The following CREB1 variants were observed in gnomAD, a reference collection of about 807,000 sequenced individuals.
The protein encoded by CREB1 is cAMP responsive element binding protein 1, also known as cyclic AMP-responsive element-binding protein 1.
CREB1 carries 2 observed loss-of-function variants against 42.0 expected under a neutral mutation model. The observed-to-expected ratio is 0.05, with a 90% CI of 0.02 to 0.15. The LOEUF is 0.15. CREB1 is among the 10% of genes least tolerant of loss of function. The pLI is 1.00. For missense variants in CREB1, 199 were observed against 388.9 expected, an observed-to-expected ratio of 0.51 and a Z score of 4.11; for synonymous variants, 123 against 139.9, an observed-to-expected ratio of 0.88 and a Z score of 0.85.
At chr2:207,558,615 A>G (rs1397523219) in intron 2 of CREB1, among the ~76,000 whole-genome samples, 1 of 148,116 alleles carries the variant, frequency 6.8e-6, no homozygotes, top group Non-Finnish European at 1.5e-5. Context: ...CCCCTGAAAT[A>G]TATATCTTTC....
At chr2:207,560,141 C>A (rs1227218345) in intron 2 of CREB1, 85 bp from the exon 3 acceptor site, 1 of 1,298,450 alleles carries the variant, frequency 7.7e-7, no homozygotes, top group East Asian at 2.5e-5. Flanking sequence ...CACGTTTTTG[C>A]TTCTAAAAAG....
chr2:207,575,556 A>C (rs1296545558), intron 6 of CREB1, 102 bp downstream of exon 6: 2 of 978,952 alleles, frequency 2.0e-6, no homozygotes, highest in Non-Finnish European at 3.0e-6. Flanking sequence ...CCACCATTCA[A>C]ATGTAGTTAA....
chr2:207,564,230 A>C (rs1326414121), intron 3 of CREB1, among the ~76,000 whole-genome samples: 1 of 152,186 alleles, frequency 6.6e-6, no homozygotes, highest in Non-Finnish European at 1.5e-5. Context: ...CAATGAGTAA[A>C]ACACTGTATC....
At position 207,599,008 on chromosome 2, in the gene CREB1, T is replaced by G. The variant is rs1237754528; in HGVS notation, c.*1950T>G. 1 of 185,386 alleles carries G rather than the reference T, an allele frequency of 5.4e-6. No individual in the cohort carries two copies. The highest frequency in any genetic ancestry group is 2.3e-5 in the African/African-American group (1 of 42,628). 11.5% of individuals were successfully genotyped at this position (185,386 alleles called of 1,614,324 possible). Reference sequence around the variant, plus strand: ...TAAGTGTTAATTGCTGGATCCATTTTAAAATAAGATTTTAATTAACATTTG... The same window carrying G: ...TAAGTGTTAATTGCTGGATCCATTTGAAAATAAGATTTTAATTAACATTTG... On this transcript the variant is annotated 3_prime_UTR_variant, in exon 8 of 8. Transcript: ENST00000353267.
At chr2:207,578,018 CTG>C (rs1462120916) in intron 7 of CREB1, 2 of 215,684 alleles carry the variant, frequency 9.3e-6, no homozygotes, top group East Asian at 1.2e-4. Context: ...TGTATATTAA[CTG>C]TGTGTTAAAT....
intron 5 of CREB1, chr2:207,571,798 G>T: frequency 2.2e-6 from 1 of 444,988 alleles, no homozygotes; most frequent in Admixed American, 2.4e-5. Context: ...ATTCTCACTT[G>T]AACTAGGAAG....
chr2:207,569,862 G>C (rs2082287414), intron 4 of CREB1, among the ~76,000 whole-genome samples: 1 of 151,770 alleles, frequency 6.6e-6, no homozygotes, highest in Non-Finnish European at 1.5e-5. Flanking sequence ...TGGCCAACAT[G>C]GTGAAACCCC....
chr2:207,537,409 G>T (rs949227091), intron 1 of CREB1, among the ~76,000 whole-genome samples: 5 of 152,146 alleles, frequency 3.3e-5, no homozygotes, highest in Admixed American at 6.5e-5. Flanking sequence ...AAGGCAGAAC[G>T]TTTTTTATCT....
chr2:207,577,551 T>G lies in CREB1; in HGVS notation c.735T>G (p.Thr245=). Residue 245 remains threonine (T), a synonymous_variant, in exon 7 of 8, where the codon ACT becomes ACG. Transcript: ENST00000353267. ...VQTYQIRTAP[T]STIAPGVVMA... ...CATACCAGATTCGCACAGCACCCACTAGCACTATTGCCCCTGGAGTTGTTA... is the reference window on the plus strand; with the variant it reads ...CATACCAGATTCGCACAGCACCCACGAGCACTATTGCCCCTGGAGTTGTTA... The G allele has an allele frequency of 6.2e-7, 1 of 1,614,084 alleles. No homozygotes were observed. Among genetic ancestry groups the G allele is most frequent in the Non-Finnish European group, 8.5e-7 (1 of 1,179,970 alleles).
In CREB1 at chr2:207,597,776, A is replaced by G. The variant is rs2086407659; in HGVS notation, c.*718A>G. The G allele has an allele frequency of 5.0e-6, 1 of 200,926 alleles. No homozygotes were observed. The highest frequency in any genetic ancestry group is 2.3e-5 in the African/African-American group (1 of 43,746). 12.4% of individuals were successfully genotyped at this position (200,926 alleles called of 1,614,324 possible). A position where few individuals can be genotyped will look rare whatever the true frequency, so the allele number is the denominator to read the frequency against. ...GTTCAACATTTTTGAATACATTAAAAGAAGTAACCAACTGAACGACAAAGC... is the reference window on the plus strand; with the variant it reads ...GTTCAACATTTTTGAATACATTAAAGGAAGTAACCAACTGAACGACAAAGC... On this transcript the variant is annotated 3_prime_UTR_variant, in exon 8 of 8. Transcript: ENST00000353267.
chr2:207,570,775 T>G (rs2082322418), intron 5 of CREB1, among the ~76,000 whole-genome samples: 2 of 152,214 alleles, frequency 1.3e-5, no homozygotes, highest in Admixed American at 1.3e-4. Flanking sequence ...GGGATAAGCA[T>G]GGCTTGGTTG....
intron 1 of CREB1, among the ~76,000 whole-genome samples, chr2:207,531,593 A>G (rs1286626450): frequency 1.3e-5 from 2 of 152,246 alleles, no homozygotes; most frequent in African/African-American, 2.4e-5. Context: ...AAGGTTTAGT[A>G]GAAGATACTT....
intron 1 of CREB1, 147 bp downstream of exon 1, chr2:207,530,281 C>T (rs1318798746): frequency 6.6e-6 from 1 of 152,296 alleles, no homozygotes; most frequent in African/African-American, 2.4e-5. Context: ...AGCCCCACAA[C>T]ATCGCCGCCG....
At chr2:207,549,908 T>C (rs1486908117) in intron 1 of CREB1, among the ~76,000 whole-genome samples, 1 of 151,072 alleles carries the variant, frequency 6.6e-6, no homozygotes, top group Non-Finnish European at 1.5e-5. Context: ...GGGCGGGGGT[T>C]GCAGTGAGCT....
At chr2:207,592,838 G>A (rs2085323920) in intron 7 of CREB1, among the ~76,000 whole-genome samples, 1 of 151,816 alleles carries the variant, frequency 6.6e-6, no homozygotes. Flanking sequence ...GCTTGAACCT[G>A]GGAGGTGGAG....
At chr2:207,531,978 T>C (rs546570104) in intron 1 of CREB1, among the ~76,000 whole-genome samples, 1 of 152,142 alleles carries the variant, frequency 6.6e-6, no homozygotes, top group Non-Finnish European at 1.5e-5. Flanking sequence ...ACTGAAAAAA[T>C]TATAGTATTG....
At chr2:207,576,810 C>T in intron 6 of CREB1, 1 of 1,028,228 alleles carries the variant, frequency 9.7e-7, no homozygotes, top group Non-Finnish European at 1.2e-6. Flanking sequence ...ACATTAGGTT[C>T]CTTATTAGGA....
At chr2:207,534,090 C>T (rs2080765875) in intron 1 of CREB1, among the ~76,000 whole-genome samples, 1 of 152,240 alleles carries the variant, frequency 6.6e-6, no homozygotes. Context: ...GGCAAGTTAT[C>T]TTAACTTCTT....
intron 2 of CREB1, among the ~76,000 whole-genome samples, chr2:207,558,643 AT>A (rs903929048): frequency 0.013 from 1,650 of 131,974 alleles, 16 homozygotes; most frequent in African/African-American, 0.036. Flanking sequence ...CACTAAAGTG[AT>A]TTTTTTTTTT....
Sources: allele counts gnomAD v4.1 joint callset (sites outside exome capture counted in the v4.1 genomes callset), GRCh38; gene constraint gnomAD v4.1.1; transcripts MANE v1.5; gene names NCBI Gene and HGNC (gene_info 2026-07-23, HGNC 2026-07-21).